The following IMPG1 variants were observed in gnomAD, a reference collection of about 807,000 sequenced individuals.
The protein encoded by IMPG1 is interphotoreceptor matrix proteoglycan 1, also known as interphotoreceptor matrix proteoglycan of 150 kDa.
A neutral mutation model predicts 92.0 loss-of-function variants in IMPG1; 85 were observed. The ratio of observed to expected loss-of-function variants is 0.92; its 90% CI spans 0.78 to 1.11. The LOEUF is 1.11. Ranked by LOEUF, IMPG1 falls within the 50% of genes least tolerant of loss-of-function variation. The pLI, the probability that IMPG1 is intolerant of heterozygous loss-of-function variation, is 0.00. For synonymous variants in IMPG1, 367 were observed against 334.1 expected (o/e 1.10, Z -1.08); for missense variants, 1,022 against 956.0 (o/e 1.07, Z -0.91).
intron 12 of IMPG1, among the ~76,000 whole-genome samples, chr6:75,985,457 T>G (rs1170218362): frequency 1.3e-5 from 2 of 152,134 alleles, no homozygotes; most frequent in African/African-American, 4.8e-5. Flanking sequence ...ATCATAACTT[T>G]AAACAGATTG....
chr6:75,959,506 A>G (rs1782180719), intron 12 of IMPG1, among the ~76,000 whole-genome samples: 1 of 152,136 alleles, frequency 6.6e-6, no homozygotes, highest in South Asian at 2.1e-4. Context: ...CCAGGGAGAT[A>G]TGAGTTTGAT....
chr6:76,061,613 A>G (rs1784206435), intron 1 of IMPG1, among the ~76,000 whole-genome samples: 1 of 152,358 alleles, frequency 6.6e-6, no homozygotes, highest in Admixed American at 6.5e-5. Context: ...ACTTAGTTAA[A>G]GGTTTCATTT....
At chr6:76,066,212 T>C (rs1268253898) in intron 1 of IMPG1, among the ~76,000 whole-genome samples, 1 of 151,938 alleles carries the variant, frequency 6.6e-6, no homozygotes, top group Non-Finnish European at 1.5e-5. Flanking sequence ...GAAAGAAAAC[T>C]CCACATATTA....
chr6:75,935,705 T>C (rs998892084), intron 14 of IMPG1, among the ~76,000 whole-genome samples: 3 of 152,248 alleles, frequency 2.0e-5, no homozygotes, highest in African/African-American at 7.2e-5. Flanking sequence ...GGGCCCGCCA[T>C]GCTTTTAGGA....
intron 12 of IMPG1, among the ~76,000 whole-genome samples, chr6:75,960,374 C>T (rs1340698141): frequency 2.6e-5 from 4 of 152,210 alleles, no homozygotes; most frequent in African/African-American, 9.6e-5. Flanking sequence ...TAATCCCTCA[C>T]ATTCACAATA....
Position 75,950,642 on chromosome 6 carries a change from C to T in IMPG1, c.1744G>A (p.Ala582Thr). Reference sequence around the variant, plus strand: ...AGGTCGTTGGAGAAGGCCATGTTAGCAACACGCAGACTGAAGAACACTACC... The same window carrying T: ...AGGTCGTTGGAGAAGGCCATGTTAGTAACACGCAGACTGAAGAACACTACC... ...ELVVFFSLRV[A>T]NMAFSNDLFN... Residue 582 changes from alanine (A) to threonine (T), a missense_variant, in exon 13 of 17, where the codon GCT (alanine) becomes ACT (threonine). Ala to Thr is a moderately conservative substitution (Grantham distance 58, BLOSUM62 0). Around this residue, in one of 3 missense-constraint regions of IMPG1, gnomAD observed 332 missense variants for 346.2 expected, o/e 0.96. Coordinates refer to ENST00000369950, the MANE Select transcript of IMPG1 (RefSeq NM_001563.4). 1 of 1,613,880 alleles carries T rather than the reference C, an allele frequency of 6.2e-7. No individual in the cohort carries two copies. Among genetic ancestry groups the T allele is most frequent in the Non-Finnish European group, 8.5e-7 (1 of 1,179,858 alleles).
intron 4 of IMPG1, among the ~76,000 whole-genome samples, chr6:76,026,185 C>T (rs1227587281): frequency 6.6e-6 from 1 of 152,130 alleles, no homozygotes; most frequent in Admixed American, 6.5e-5. Context: ...CCTTTTCACC[C>T]AATAAAACCC....
At chr6:76,050,939 C>T in intron 1 of IMPG1, among the ~76,000 whole-genome samples, 1 of 152,104 alleles carries the variant, frequency 6.6e-6, no homozygotes, top group South Asian at 2.1e-4. Flanking sequence ...ACTTAGCAAA[C>T]CCATTATGTC....
chr6:76,024,269 T>C (rs1562374160), intron 5 of IMPG1, among the ~76,000 whole-genome samples: 1 of 152,180 alleles, frequency 6.6e-6, no homozygotes, highest in Non-Finnish European at 1.5e-5. Context: ...ATCTATTTTC[T>C]CAATTTCTAC....
At position 76,007,163 on chromosome 6, in the gene IMPG1, G is replaced by A. The variant is rs78630451; in HGVS notation, c.887+317C>T. On this transcript the variant is annotated intron_variant, in intron 9 of 16. Transcript: ENST00000369950. Reference sequence around the variant, plus strand: ...GATAGACAACTGCCCATTACAAATGGCATTTAAGAAATAAATTATGCTTGC... The same window carrying A: ...GATAGACAACTGCCCATTACAAATGACATTTAAGAAATAAATTATGCTTGC... Among the ~76,000 whole-genome samples, 917 of 152,124 alleles carry A rather than the reference G, an allele frequency of 6.0e-3. 8 individuals are homozygous for A. The highest frequency in any genetic ancestry group is 0.021 in the African/African-American group (864 of 41,522).
At chr6:75,981,069 C>T (rs188975511) in intron 12 of IMPG1, among the ~76,000 whole-genome samples, 5 of 152,286 alleles carry the variant, frequency 3.3e-5, no homozygotes, top group East Asian at 3.9e-4. Flanking sequence ...TGAAGCACTG[C>T]GATGCAGCCC....
At chr6:76,054,858 G>GACAT (rs1784094911) in intron 1 of IMPG1, among the ~76,000 whole-genome samples, 2 of 151,888 alleles carry the variant, frequency 1.3e-5, no homozygotes, top group African/African-American at 2.4e-5. Context: ...AAGACAGACA[G>GACAT]GTCACAATGA....
chr6:76,053,571 T>C (rs1021558500), intron 1 of IMPG1, among the ~76,000 whole-genome samples: 6 of 152,202 alleles, frequency 3.9e-5, no homozygotes, highest in Admixed American at 3.3e-4. Flanking sequence ...GTGCCAAATA[T>C]CCACTTTACT....
chr6:76,061,468 T>C (rs1784203945), intron 1 of IMPG1, among the ~76,000 whole-genome samples: 1 of 152,186 alleles, frequency 6.6e-6, no homozygotes, highest in African/African-American at 2.4e-5. Context: ...GCAAAATACC[T>C]TTTGTGTAAT....
intron 14 of IMPG1, among the ~76,000 whole-genome samples, chr6:75,943,341 G>T (rs1020252578): frequency 7.9e-5 from 12 of 152,172 alleles, no homozygotes; most frequent in Non-Finnish European, 1.3e-4. Context: ...GATCCCTCAT[G>T]ATATGAGTAG....
rs1223528098 is a variant in IMPG1, at chr6:75,959,810, G to A, written c.1292-8716C>T. The stretch of plus-strand genomic sequence containing the variant: ...CTTAGCTTGCTGGGCTCCATGGGGG[G>A]TGGGATCTGCTGAGATAAACCACTT... On this transcript the variant is annotated intron_variant, in intron 12 of 16. Transcript: ENST00000369950. 2.6e-5 allele frequency among the ~76,000 whole-genome samples: 4 copies of A among 152,306 alleles called. No homozygotes were observed. In the South Asian group the frequency reaches 8.3e-4, roughly 32 times the overall value.
intron 12 of IMPG1, among the ~76,000 whole-genome samples, chr6:75,960,368 C>T (rs1782196129): frequency 6.6e-6 from 1 of 152,180 alleles, no homozygotes; most frequent in Non-Finnish European, 1.5e-5. Flanking sequence ...TAATATTAAT[C>T]CCTCACATTC....
At chr6:76,043,111 GGAAA>G (rs1313503606) in intron 1 of IMPG1, among the ~76,000 whole-genome samples, 1 of 151,810 alleles carries the variant, frequency 6.6e-6, no homozygotes, top group African/African-American at 2.4e-5. Context: ...AGAGAGAGAA[GGAAA>G]GAGAGAGTGG....
At chr6:76,024,927 G>A (rs1426066899) in intron 5 of IMPG1, 3 of 519,400 alleles carry the variant, frequency 5.8e-6, no homozygotes, top group Non-Finnish European at 1.1e-5. Context: ...ATAGAAGAAA[G>A]AAGGCAGAAA....
Sources: gnomAD v4.1 joint callset for allele counts (sites outside exome capture counted in the v4.1 genomes callset) on GRCh38, gnomAD v4.1.1 for gene constraint, gnomAD v4.1.1 regional missense constraint, MANE v1.5 for transcripts, NCBI Gene and HGNC (gene_info 2026-07-23, HGNC 2026-07-21) for gene names.